ANK3: variants seen among roughly 807,000 people sequenced by gnomAD.
The protein encoded by ANK3 is ankyrin-3.
ANK3 carries 57 observed loss-of-function variants against 370.9 expected under a neutral mutation model. The observed-to-expected ratio is 0.15, with a 90% CI of 0.12 to 0.19. ANK3 has a LOEUF of 0.19. Ranked by LOEUF, ANK3 falls within the 10% of genes least tolerant of loss-of-function variation. The pLI, the probability that ANK3 is intolerant of heterozygous loss-of-function variation, is 1.00. For synonymous variants in ANK3, 1,929 were observed against 1,946.3 expected (o/e 0.99, Z 0.23); for missense variants, 4,439 against 5,302.1 (o/e 0.84, Z 5.06).
At chr10:60,270,054 A>G (rs2097945692) in intron 5 of ANK3, 77 bp downstream of exon 5, 1 of 880,954 alleles carries the variant, frequency 1.1e-6, no homozygotes, top group African/African-American at 1.7e-5. Context: ...TACTAGTAGG[A>G]CAAATTCACA....
At chr10:60,567,967 T>C (rs2077502825) in intron 2 of ANK3, among the ~76,000 whole-genome samples, 1 of 152,190 alleles carries the variant, frequency 6.6e-6, no homozygotes, top group Admixed American at 6.5e-5. Context: ...TGCCTCATGA[T>C]AAAACTTGAA....
In ANK3 at chr10:60,076,384, A is replaced by C; in HGVS notation, c.4497T>G (p.Ser1499=). 6.2e-7 allele frequency: 1 copy of C among 1,614,040 alleles called. No individual in the cohort carries two copies. Among genetic ancestry groups the C allele is most frequent in the Non-Finnish European group, 8.5e-7 (1 of 1,179,956 alleles). The change falls in exon 37 of 44, where the codon TCT becomes TCG. Residue 1499 remains serine (S), a synonymous_variant. Transcript: ENST00000280772. The part of the protein sequence containing the change: ...PTTYSYKPFF[S]TRPYQSWTTA... The stretch of plus-strand genomic sequence containing the variant: ...TTGTCCAGGACTGGTATGGTCTTGT[A>C]GAAAAGAATGGCTTGTATGAGTAAG...
intron 43 of ANK3, among the ~76,000 whole-genome samples, chr10:60,031,066 G>C (rs2073381030): frequency 6.8e-6 from 1 of 147,958 alleles, no homozygotes. Flanking sequence ...TAAGGAGTCA[G>C]GATAGAGCAT....
Position 60,055,678 on chromosome 10 carries a change from A to C in ANK3, c.13045T>G (p.Ser4349Ala). 6.2e-7 allele frequency: 1 copy of C among 1,612,048 alleles called. No homozygotes were observed. Among genetic ancestry groups the C allele is most frequent in the South Asian group, 1.1e-5 (1 of 90,866 alleles). ...PRLSLHEEEG[S>A]SGSEQKQGEG... The stretch of plus-strand genomic sequence containing the variant: ...CGTACCTTTTGCTCAGACCCACTGG[A>C]CCCCTCTTCTTCATGGAGGCTAAGC... The change falls in exon 42 of 44, where the codon TCC (serine) becomes GCC (alanine). Residue 4349 changes from serine to alanine, a missense_variant. Coordinates refer to ENST00000280772, the MANE Select transcript of ANK3 (RefSeq NM_020987.5).
chr10:60,485,302 A>G (rs1236026515), intron 2 of ANK3, among the ~76,000 whole-genome samples: 2 of 125,538 alleles, frequency 1.6e-5, no homozygotes, highest in Non-Finnish European at 3.7e-5. Context: ...GACACCTCCA[A>G]TTTTAGGAAG....
At chr10:60,128,949 A>T (rs1182069143) in intron 25 of ANK3, among the ~76,000 whole-genome samples, 1 of 152,218 alleles carries the variant, frequency 6.6e-6, no homozygotes. Flanking sequence ...TGTACCAGAC[A>T]GTTGCTTTCA....
At position 60,378,030 on chromosome 10, in the gene ANK3, T is replaced by C. The variant is rs779615785; in HGVS notation, c.114+11395A>G. On this transcript the variant is annotated intron_variant, in intron 1 of 43. Coordinates refer to ENST00000280772, the MANE Select transcript of ANK3 (RefSeq NM_020987.5). ...TGTCTAATCAATTTTTTGAGAAATT[T>C]AGTAGTTTTTGCCAAGCCCCCTCCT... Among the ~76,000 whole-genome samples, 10 of 152,314 alleles carry C rather than the reference T, an allele frequency of 6.6e-5. No homozygotes were observed. In the South Asian group the frequency reaches 2.1e-3, roughly 32 times the overall value.
intron 1 of ANK3, among the ~76,000 whole-genome samples, chr10:60,687,535 A>AAC (rs553656997): frequency 0.017 from 2,583 of 150,804 alleles, 29 homozygotes; most frequent in Non-Finnish European, 0.023. Flanking sequence ...TATAAAAAAA[A>AAC]ACACACACAC....
intron 2 of ANK3, among the ~76,000 whole-genome samples, chr10:60,465,890 G>A (rs1049464285): frequency 1.3e-5 from 2 of 149,742 alleles, no homozygotes; most frequent in African/African-American, 4.9e-5. Flanking sequence ...TCTTTTTCTG[G>A]CTATAGTAGA....
intron 2 of ANK3, among the ~76,000 whole-genome samples, chr10:60,402,452 G>A (rs1343981906): frequency 6.6e-6 from 1 of 152,000 alleles, no homozygotes; most frequent in Non-Finnish European, 1.5e-5. Context: ...CATAACAAAT[G>A]GTGTATACAT....
intron 5 of ANK3, among the ~76,000 whole-genome samples, chr10:60,269,648 T>TCC (rs71836520): frequency 1.8e-5 from 2 of 109,930 alleles, no homozygotes; most frequent in African/African-American, 3.4e-5. Context: ...CCATCCCCCC[T>TCC]CCCCCCCCCC....
chr10:60,280,941 T>G (rs17233373), intron 1 of ANK3, among the ~76,000 whole-genome samples: 13,465 of 152,214 alleles, frequency 0.088, 792 homozygotes, highest in South Asian at 0.17. Flanking sequence ...CCTGTCCTTC[T>G]TCCACCCTAA....
intron 43 of ANK3, among the ~76,000 whole-genome samples, chr10:60,032,059 C>T (rs1403204496): frequency 6.6e-6 from 1 of 151,960 alleles, no homozygotes; most frequent in East Asian, 1.9e-4. Flanking sequence ...TTGTAGGCAC[C>T]AGGCTTCTTA....
At chr10:60,281,441 AACC>A (rs1197790364) in intron 1 of ANK3, among the ~76,000 whole-genome samples, 2 of 152,208 alleles carry the variant, frequency 1.3e-5, no homozygotes, top group African/African-American at 4.8e-5. Context: ...CCTAGTTGAG[AACC>A]ACTGCTTTAA....
Position 60,263,919 on chromosome 10 carries a change from A to G in ANK3, c.615T>C (p.Ala205=). ...NDTKGKVRLP[A]LHIAARKDDT... ...CGTCTTTTCGGGCCGCGATATGAAGAGCTGGGAGACGCACTTTTCCTTTGG... is the reference window on the plus strand; with the variant it reads ...CGTCTTTTCGGGCCGCGATATGAAGGGCTGGGAGACGCACTTTTCCTTTGG... The change falls in exon 6 of 44, where the codon GCT becomes GCC. Residue 205 remains alanine, a synonymous_variant. Transcript: ENST00000280772. 6.2e-7 allele frequency: 1 copy of G among 1,614,080 alleles called. No individual in the cohort carries two copies. The highest frequency in any genetic ancestry group is 8.5e-7 in the Non-Finnish European group (1 of 1,180,016).
At chr10:60,357,273 T>TG (rs1349812870) in intron 1 of ANK3, among the ~76,000 whole-genome samples, 30 of 152,300 alleles carry the variant, frequency 2.0e-4, no homozygotes, top group African/African-American at 7.0e-4. Context: ...CACCAACAGC[T>TG]GCGTCACCTC....
intron 1 of ANK3, among the ~76,000 whole-genome samples, chr10:60,367,410 A>C (rs1267315732): frequency 1.3e-5 from 2 of 152,218 alleles, no homozygotes; most frequent in Admixed American, 6.5e-5. Context: ...TATGCTTTCT[A>C]TGCCTAAAAT....
chr10:60,422,247 G>A (rs1489683349), intron 2 of ANK3, among the ~76,000 whole-genome samples: 7 of 152,180 alleles, frequency 4.6e-5, no homozygotes, highest in Non-Finnish European at 1.0e-4. Flanking sequence ...TTACTAAAAA[G>A]CCACAAGGAA....
rs180946939 is a variant in ANK3, at chr10:60,724,763, C to G, written c.57+8500G>C. ...AAATTTCACTTGAAACTTTAGAAAA[C>G]CAATCCAAATTTTATTTCACTTGGA... On this transcript the variant is annotated intron_variant, in intron 1 of 43. Transcript: ENST00000373827. 2.2e-4 allele frequency among the ~76,000 whole-genome samples: 34 copies of G among 152,196 alleles called. 1 individual carries two copies. Among genetic ancestry groups the G allele is most frequent in the Admixed American group, 2.2e-3 (33 of 15,296 alleles).
Sources: allele counts gnomAD v4.1 joint callset (sites outside exome capture counted in the v4.1 genomes callset), GRCh38; gene constraint gnomAD v4.1.1; transcripts MANE v1.5; gene names NCBI Gene and HGNC (gene_info 2026-07-23, HGNC 2026-07-21).